Variants in SMIM19 observed in about 807,000 individuals in gnomAD.
The protein encoded by SMIM19 is UPF0697 protein C8orf40.
Under a neutral mutation model 13.2 loss-of-function variants are expected in SMIM19, and 6 were observed. The observed-to-expected ratio is 0.45, with a 90% CI of 0.25 to 0.90. The LOEUF (loss-of-function observed/expected upper bound fraction) is 0.90, where lower values mean the gene tolerates loss of function less well. Ranked by LOEUF, SMIM19 falls within the 40% of genes least tolerant of loss-of-function variation. The pLI is 0.19. For missense variants in SMIM19, 138 were observed against 131.0 expected (o/e 1.05, Z -0.26); for synonymous variants, 46 against 43.1 (o/e 1.07, Z -0.27).
chr8:42,551,333 A>G (rs1394015926), intron 3 of SMIM19, among the ~76,000 whole-genome samples: 1 of 150,638 alleles, frequency 6.6e-6, no homozygotes, highest in Non-Finnish European at 1.5e-5. Context: ...AAAAAAACTT[A>G]GAAGAGATTG....
At chr8:42,550,810 T>C (rs187921988) in intron 3 of SMIM19, among the ~76,000 whole-genome samples, 4 of 152,286 alleles carry the variant, frequency 2.6e-5, no homozygotes, top group Admixed American at 2.6e-4. Context: ...TGAGCACATG[T>C]GTGGATTTGC....
intron 2 of SMIM19, 118 bp from the exon 3 acceptor site, chr8:42,548,538 A>G (rs1563568863): frequency 7.5e-7 from 1 of 1,327,162 alleles, no homozygotes; most frequent in Admixed American, 1.7e-5. Flanking sequence ...AATAGAAAGT[A>G]AAATGGTCTT....
intron 1 of SMIM19, among the ~76,000 whole-genome samples, chr8:42,544,064 A>G (rs1191578140): frequency 6.6e-6 from 1 of 152,226 alleles, no homozygotes; most frequent in Non-Finnish European, 1.5e-5. Context: ...ATAAAGTTAC[A>G]TTCAGAGGAA....
Position 42,546,623 on chromosome 8 carries a change from C to T in SMIM19, c.134+17C>T. On this transcript the variant is annotated intron_variant, in intron 2 of 3. Transcript: ENST00000417410. ...TGCCAAAAGGTAAATTTTTGTTTCT[C>T]AGGGTAGATAAAAACTGTGCATTTA... 6.2e-7 allele frequency: 1 copy of T among 1,600,804 alleles called. No homozygotes were observed. Among genetic ancestry groups the T allele is most frequent in the Non-Finnish European group, 8.5e-7 (1 of 1,176,400 alleles).
intron 1 of SMIM19, among the ~76,000 whole-genome samples, chr8:42,544,194 G>A (rs1813394864): frequency 6.6e-6 from 1 of 152,078 alleles, no homozygotes; most frequent in African/African-American, 2.4e-5. Context: ...GGCGGATCAT[G>A]AGGTCAGGAG....
At chr8:42,546,632 TA>T in intron 2 of SMIM19, 26 bp downstream of exon 2, 1 of 1,589,678 alleles carries the variant, frequency 6.3e-7, no homozygotes, top group Non-Finnish European at 8.5e-7. Context: ...TCAGGGTAGA[TA>T]AAAACTGTGC....
At chr8:42,548,031 C>T (rs1015091173) in intron 2 of SMIM19, among the ~76,000 whole-genome samples, 1 of 152,146 alleles carries the variant, frequency 6.6e-6, no homozygotes, top group Non-Finnish European at 1.5e-5. Flanking sequence ...CTCAGCTGAA[C>T]CCTCCTGGAG....
intron 1 of SMIM19, among the ~76,000 whole-genome samples, chr8:42,543,467 A>G (rs1035350830): frequency 1.2e-4 from 19 of 152,236 alleles, no homozygotes; most frequent in Admixed American, 1.3e-4. Context: ...GGAAGCGCAG[A>G]AGAGTGACTT....
At chr8:42,548,397 G>A in intron 2 of SMIM19, 1 of 524,692 alleles carries the variant, frequency 1.9e-6, no homozygotes, top group Non-Finnish European at 3.7e-6. Flanking sequence ...TTGGAGGATT[G>A]AGGAGAATCA....
At chr8:42,552,244 C>T (rs1047317165) in intron 3 of SMIM19, among the ~76,000 whole-genome samples, 1 of 151,994 alleles carries the variant, frequency 6.6e-6, no homozygotes, top group East Asian at 1.9e-4. Context: ...CATGGCGAGA[C>T]CCTATCTCTG....
intron 3 of SMIM19, among the ~76,000 whole-genome samples, chr8:42,549,745 T>C (rs1339743968): frequency 6.6e-6 from 1 of 152,078 alleles, no homozygotes; most frequent in Admixed American, 6.6e-5. Flanking sequence ...TATGTATGTT[T>C]TACCACATTA....
At chr8:42,548,834 C>G in intron 3 of SMIM19, 54 bp downstream of exon 3, 1 of 1,527,114 alleles carries the variant, frequency 6.5e-7, no homozygotes, top group South Asian at 1.3e-5. Context: ...AATAGATTTT[C>G]TGGAATTGAG....
chr8:42,544,130 G>A (rs1813391444), intron 1 of SMIM19, among the ~76,000 whole-genome samples: 1 of 152,092 alleles, frequency 6.6e-6, no homozygotes, highest in Non-Finnish European at 1.5e-5. Context: ...GTCAAATACC[G>A]GCCGGGCGCG....
chr8:42,547,882 G>A lies in SMIM19; in HGVS notation c.135-774G>A, dbSNP rs199601749. Among the ~76,000 whole-genome samples, 5 of 152,308 alleles carry A rather than the reference G, an allele frequency of 3.3e-5. No homozygotes were observed. In the East Asian group the frequency reaches 5.8e-4, roughly 18 times the overall value. On this transcript the variant is annotated intron_variant, in intron 2 of 3. Transcript: ENST00000417410. ...AAGAGGAAGAGCAGTGTTAGATTGGGATGCTTCTGCAGACACATGCTTTAC... is the reference window on the plus strand; with the variant it reads ...AAGAGGAAGAGCAGTGTTAGATTGGAATGCTTCTGCAGACACATGCTTTAC...
At chr8:42,542,483 C>G in intron 1 of SMIM19, 110 bp downstream of exon 1, 1 of 985,054 alleles carries the variant, frequency 1.0e-6, no homozygotes, top group Non-Finnish European at 1.2e-6. Context: ...ACTCTAGGAA[C>G]TAAGTGGTTC....
At position 42,546,292 on chromosome 8, in the gene SMIM19, A is replaced by G. The variant is rs570455339; in HGVS notation, c.-4-177A>G. 4 of 620,846 alleles carry G rather than the reference A, an allele frequency of 6.4e-6. No individual in the cohort carries two copies. The East Asian group carries it at 1.2e-4, about 19-fold the overall frequency. 38.5% of individuals were successfully genotyped at this position (620,846 alleles called of 1,614,324 possible). Reference sequence around the variant, plus strand: ...CAGAACCGTCAGATAGAGAGGGCCAACTGCACCATTTAAAATGTGCCACTT... The same window carrying G: ...CAGAACCGTCAGATAGAGAGGGCCAGCTGCACCATTTAAAATGTGCCACTT... On this transcript the variant is annotated intron_variant, in intron 1 of 3. Transcript: ENST00000417410.
intron 3 of SMIM19, among the ~76,000 whole-genome samples, chr8:42,550,860 G>A (rs1044835747): frequency 1.3e-5 from 2 of 152,146 alleles, no homozygotes; most frequent in African/African-American, 2.4e-5. Flanking sequence ...CTTAGTGTTC[G>A]TGATGTATTT....
Position 42,541,602 on chromosome 8 carries a change from A to T in SMIM19, c.-776A>T, listed in dbSNP as rs1345178905. On this transcript the variant is annotated 5_prime_UTR_variant, in exon 1 of 4. Transcript: ENST00000417410. The stretch of plus-strand genomic sequence containing the variant: ...GAAATGACGAAGGCAGAGGGCGTCC[A>T]GGTCCGCTCGGTAACCGTTTCCCGC... 1 of 148,588 alleles carries T rather than the reference A, an allele frequency of 6.7e-6. No homozygotes were observed. The highest frequency in any genetic ancestry group is 2.5e-5 in the African/African-American group (1 of 40,790). 9.2% of individuals were successfully genotyped at this position (148,588 alleles called of 1,614,324 possible).
intron 2 of SMIM19, chr8:42,548,378 A>G (rs1289672908): frequency 4.0e-6 from 2 of 503,466 alleles, no homozygotes; most frequent in East Asian, 5.3e-5. Context: ...CTCATAGGAT[A>G]TTTGGCTTTT....
Sources: allele counts gnomAD v4.1 joint callset (sites outside exome capture counted in the v4.1 genomes callset), GRCh38; gene constraint gnomAD v4.1.1; transcripts MANE v1.5; gene names NCBI Gene and HGNC (gene_info 2026-07-23, HGNC 2026-07-21).